The following ZDHHC11B variants were observed in gnomAD, a reference collection of about 807,000 sequenced individuals.
ZDHHC11B encodes the protein probable palmitoyltransferase ZDHHC11B.
In ZDHHC11B, 17 loss-of-function variants were observed where a neutral mutation model predicts 42.3. The observed-to-expected ratio is 0.40, with a 90% CI of 0.27 to 0.60. The LOEUF is 0.60. ZDHHC11B is among the 20% of genes least tolerant of loss of function. The pLI is 0.41. For synonymous variants in ZDHHC11B, 123 were observed against 193.5 expected (o/e 0.64, Z 3.02); for missense variants, 262 against 463.2 (o/e 0.57, Z 3.99).
intron 1 of ZDHHC11B, among the ~76,000 whole-genome samples, chr5:774,826 C>G (rs1736340566): frequency 6.6e-6 from 1 of 151,826 alleles, no homozygotes; most frequent in African/African-American, 2.4e-5. Context: ...GTCTCTCTCA[C>G]TAGGGCCAGC....
At chr5:721,294 T>C (rs1164792802) in intron 12 of ZDHHC11B, among the ~76,000 whole-genome samples, 2 of 149,634 alleles carry the variant, frequency 1.3e-5, no homozygotes, top group Admixed American at 6.7e-5. Context: ...GAAATAAAAA[T>C]ATATATGATA....
At chr5:762,602 T>A (rs565200160) in intron 4 of ZDHHC11B, among the ~76,000 whole-genome samples, 1 of 151,754 alleles carries the variant, frequency 6.6e-6, no homozygotes, top group Non-Finnish European at 1.5e-5. Context: ...GGTGGTTGAA[T>A]GAGAGGCCAA....
intron 1 of ZDHHC11B, among the ~76,000 whole-genome samples, chr5:774,805 T>G (rs4079447): frequency 0.16 from 23,516 of 149,880 alleles, 381 homozygotes; most frequent in African/African-American, 0.24. Flanking sequence ...AGCCTGTAAC[T>G]AGGGCCTGGG....
At chr5:758,482 G>A (rs1448824128) in intron 4 of ZDHHC11B, among the ~76,000 whole-genome samples, 2 of 151,874 alleles carry the variant, frequency 1.3e-5, no homozygotes, top group Non-Finnish European at 2.9e-5. Flanking sequence ...CCTGGGGATG[G>A]TGTGGCCCTA....
intron 9 of ZDHHC11B, among the ~76,000 whole-genome samples, chr5:744,870 C>CAA (rs375791362): frequency 7.7e-6 from 1 of 129,874 alleles, no homozygotes; most frequent in Non-Finnish European, 1.7e-5. Context: ...GACTCTGTCT[C>CAA]AAAAAAAAAA....
At chr5:737,396 T>A (rs370072068) in intron 10 of ZDHHC11B, among the ~76,000 whole-genome samples, 3 of 149,524 alleles carry the variant, frequency 2.0e-5, no homozygotes, top group Non-Finnish European at 3.0e-5. Context: ...GACTGGTACC[T>A]ATCTTATGGA....
chr5:769,710 C>A (rs895992996), intron 1 of ZDHHC11B, among the ~76,000 whole-genome samples: 1 of 151,988 alleles, frequency 6.6e-6, no homozygotes, highest in Non-Finnish European at 1.5e-5. Context: ...GCTGGACAGG[C>A]CTAGTGCGCG....
chr5:776,261 G>A (rs1407328511), intron 1 of ZDHHC11B, among the ~76,000 whole-genome samples: 1 of 151,846 alleles, frequency 6.6e-6, no homozygotes, highest in Non-Finnish European at 1.5e-5. Flanking sequence ...CTGAGGGCCT[G>A]ATGGACCCTC....
At chr5:731,978 T>G (rs1365382508) in intron 11 of ZDHHC11B, 2 of 152,378 alleles carry the variant, frequency 1.3e-5, no homozygotes, top group East Asian at 3.9e-4. Flanking sequence ...ACCTTCCATT[T>G]AGGCCAAACA....
intron 4 of ZDHHC11B, among the ~76,000 whole-genome samples, chr5:765,970 A>AACACATCCTAC (rs2150217252): frequency 6.6e-6 from 1 of 152,014 alleles, no homozygotes; most frequent in Non-Finnish European, 1.5e-5. Context: ...TTTCAGAAAT[A>AACACATCCTAC]TGGTTCCAGT....
At chr5:773,650 G>A (rs1452980128) in intron 1 of ZDHHC11B, among the ~76,000 whole-genome samples, 15 of 151,978 alleles carry the variant, frequency 9.9e-5, no homozygotes, top group African/African-American at 3.6e-4. Context: ...TAGGAGGGAC[G>A]TGCCCAGCCC....
intron 8 of ZDHHC11B, among the ~76,000 whole-genome samples, chr5:745,518 C>T (rs1425731520): frequency 1.3e-5 from 2 of 149,946 alleles, no homozygotes; most frequent in Non-Finnish European, 3.0e-5. Flanking sequence ...GGGTCTGCAG[C>T]TGCGACCTGG....
intron 3 of ZDHHC11B, among the ~76,000 whole-genome samples, chr5:767,186 C>T (rs1292736349): frequency 1.6e-4 from 24 of 151,920 alleles, no homozygotes; most frequent in Non-Finnish European, 3.2e-4. Flanking sequence ...AAATGGCTCT[C>T]CAGGGTGTGG....
chr5:728,611 G>T (rs191092069), intron 12 of ZDHHC11B, among the ~76,000 whole-genome samples: 55 of 152,078 alleles, frequency 3.6e-4, no homozygotes, highest in African/African-American at 1.3e-3. Flanking sequence ...TAAAATTCAG[G>T]AAGGGAGGTG....
At chr5:774,624 C>T (rs1362035843) in intron 1 of ZDHHC11B, among the ~76,000 whole-genome samples, 21 of 151,546 alleles carry the variant, frequency 1.4e-4, no homozygotes, top group Non-Finnish European at 2.4e-4. Context: ...GAGCCTGTTA[C>T]TAGGACCTGG....
At chr5:761,498 A>C (rs1202687470) in intron 4 of ZDHHC11B, among the ~76,000 whole-genome samples, 3 of 151,804 alleles carry the variant, frequency 2.0e-5, no homozygotes, top group Admixed American at 2.0e-4. Context: ...GATCTTGGGG[A>C]ATGCCAGCAG....
In ZDHHC11B at chr5:745,286, A is replaced by G. The variant is rs763931969; in HGVS notation, c.797T>C (p.Met266Thr). 2 of 1,607,960 alleles carry G rather than the reference A, an allele frequency of 1.2e-6. No individual in the cohort carries two copies. The highest frequency in any genetic ancestry group is 1.7e-6 in the Non-Finnish European group (2 of 1,177,124). ...ATTAATGAGATACTCAAAGGTGGTC[A>G]TCTTCTTGGCCTCTGGAAAGGGAAA... ...IFHIYLKAKK[M>T]TTFEYLINTR... Residue 266 changes from methionine to threonine, a missense_variant, in exon 9 of 14, where the codon ATG becomes ACG. By Grantham distance (81) the Met-to-Thr change is moderately conservative (BLOSUM62 -1). Coordinates refer to ENST00000508859, the MANE Select transcript of ZDHHC11B (RefSeq NM_001351303.2).
At chr5:737,930 C>T (rs1231276267) in intron 10 of ZDHHC11B, among the ~76,000 whole-genome samples, 1 of 131,390 alleles carries the variant, frequency 7.6e-6, no homozygotes, top group East Asian at 2.6e-4. Context: ...CCTTTCGACA[C>T]AGTACTGGAA....
chr5:778,716 A>G (rs1239415729), intron 1 of ZDHHC11B, among the ~76,000 whole-genome samples: 1 of 151,736 alleles, frequency 6.6e-6, no homozygotes, highest in African/African-American at 2.4e-5. Flanking sequence ...AAATGAGATC[A>G]TCTTGGATTA....
Sources: allele counts gnomAD v4.1 joint callset (sites outside exome capture counted in the v4.1 genomes callset), GRCh38; gene constraint gnomAD v4.1.1; transcripts MANE v1.5; gene names NCBI Gene and HGNC (gene_info 2026-07-23, HGNC 2026-07-21).